Variants in MAP3K1 observed in about 807,000 individuals in gnomAD.
The protein encoded by MAP3K1 is MAP/ERK kinase kinase 1.
Under a neutral mutation model 144.2 loss-of-function variants are expected in MAP3K1, and 36 were observed. That is an observed-to-expected ratio of 0.25 (90% confidence interval 0.19 to 0.33). The LOEUF (loss-of-function observed/expected upper bound fraction) is 0.33, where lower values mean the gene tolerates loss of function less well. Ranked by LOEUF, MAP3K1 falls within the 10% of genes least tolerant of loss-of-function variation. The pLI is 1.00. For synonymous variants in MAP3K1, 718 were observed against 688.7 expected (o/e 1.04, Z -0.67); for missense variants, 1,650 against 1,881.9 (o/e 0.88, Z 2.28).
At chr5:56,820,258 A>G (rs252902) in intron 1 of MAP3K1, 136,892 of 176,670 alleles carry the variant, frequency 0.77, 53,408 homozygotes, top group Non-Finnish European at 0.82. Flanking sequence ...AGATGGTAAA[A>G]CCTCATGATT....
In MAP3K1 at chr5:56,870,798, C is replaced by G. The variant is rs954514333; in HGVS notation, c.1302-1112C>G. Among the ~76,000 whole-genome samples, 10 of 152,104 alleles carry G rather than the reference C, an allele frequency of 6.6e-5. No individual in the cohort carries two copies. In the South Asian group the frequency reaches 1.9e-3, roughly 28 times the overall value. On this transcript the variant is annotated intron_variant, in intron 6 of 19. Transcript: ENST00000399503. The stretch of plus-strand genomic sequence containing the variant: ...TGCCTTAATTAATGTACATTAAGTA[C>G]ATCTCCACTTTTTGGTTTACATACT...
Position 56,882,398 on chromosome 5 carries a change from C to G in MAP3K1, c.3198C>G (p.Thr1066=), listed in dbSNP as rs918712593. 2 of 1,613,940 alleles carry G rather than the reference C, an allele frequency of 1.2e-6. No homozygotes were observed. The highest frequency in any genetic ancestry group is 1.3e-5 in the African/African-American group (1 of 74,938). The change falls in exon 14 of 20, where the codon ACC becomes ACG. Residue 1066 remains threonine (T), a synonymous_variant. Transcript: ENST00000399503. ...ACAGGCCAAAGCCATCTAGACCTAC[C>G]CCAGGTAATACAAGTAAACAGGGAG... is the stretch of plus-strand genomic sequence containing the variant. The part of the protein sequence containing the change: ...NIHRPKPSRP[T]PGNTSKQGDP...
intron 1 of MAP3K1, among the ~76,000 whole-genome samples, chr5:56,840,701 A>C (rs1216257607): frequency 6.6e-6 from 1 of 152,160 alleles, no homozygotes; most frequent in African/African-American, 2.4e-5. Flanking sequence ...GTGTGGCTAC[A>C]GAGAGCTCTG....
intron 1 of MAP3K1, among the ~76,000 whole-genome samples, chr5:56,819,901 G>T (rs1215575978): frequency 6.6e-6 from 1 of 152,172 alleles, no homozygotes; most frequent in Non-Finnish European, 1.5e-5. Context: ...AAGATTAGGA[G>T]TAACCCAAAG....
intron 3 of MAP3K1, among the ~76,000 whole-genome samples, chr5:56,862,949 G>T (rs1370407287): frequency 2.0e-5 from 3 of 152,164 alleles, no homozygotes. Context: ...ACCCCAATAA[G>T]ATATCCTAGA....
rs775745251 is a variant in MAP3K1 at position 56,872,808 on chromosome 5, G to A, written c.1506-17G>A. On this transcript the variant is annotated splice_polypyrimidine_tract_variant and intron_variant, in intron 8 of 19. Coordinates refer to ENST00000399503, the MANE Select transcript of MAP3K1 (RefSeq NM_005921.2). ...TCTTAATTTTTTTAAAGCAAGTTTT[G>A]TTATTTTTCATTTTAGCCACGAGTT... is the stretch of plus-strand genomic sequence containing the variant. 1 of 1,613,710 alleles carries A rather than the reference G, an allele frequency of 6.2e-7. No homozygotes were observed. Among genetic ancestry groups the A allele is most frequent in the South Asian group, 1.1e-5 (1 of 91,080 alleles).
chr5:56,838,476 T>A (rs13354625), intron 1 of MAP3K1, among the ~76,000 whole-genome samples: 5,946 of 152,284 alleles, frequency 0.039, 406 homozygotes, highest in African/African-American at 0.14. Context: ...CAGGATCTCA[T>A]TGAAATGAGG....
At position 56,894,025 on chromosome 5, in the gene MAP3K1, C is replaced by G; in HGVS notation, c.*345C>G. ...TATTAGCGGCTGAGGGGCTCAGGAT[C>G]TATTTTAATATTTCAATTATTCTTC... On this transcript the variant is annotated 3_prime_UTR_variant, in exon 20 of 20. Coordinates refer to ENST00000399503, the MANE Select transcript of MAP3K1 (RefSeq NM_005921.2). 1 of 396,766 alleles carries G rather than the reference C, an allele frequency of 2.5e-6. No individual in the cohort carries two copies. The highest frequency in any genetic ancestry group is 3.0e-5 in the South Asian group (1 of 33,564). 24.6% of individuals were successfully genotyped at this position (396,766 alleles called of 1,614,324 possible). A position where few individuals can be genotyped will look rare whatever the true frequency, so the allele number is the denominator to read the frequency against.
In MAP3K1 at chr5:56,815,708, G is replaced by A; in HGVS notation, c.135G>A (p.Arg45=). The A allele has an allele frequency of 7.5e-7, 1 of 1,325,450 alleles. No homozygotes were observed. Among genetic ancestry groups the A allele is most frequent in the Non-Finnish European group, 9.6e-7 (1 of 1,039,394 alleles). The allele number at this position is 1,325,450 out of a possible 1,614,324, so 82.1% of individuals were successfully genotyped here. A position where few individuals can be genotyped will look rare whatever the true frequency, so the allele number is the denominator to read the frequency against. The change falls in exon 1 of 20, where the codon CGG becomes CGA. Residue 45 remains arginine (R), a synonymous_variant. Transcript: ENST00000399503. ...CCGCGGCTGCCGCGGGACTGCTGCG[G>A]GAGGCGGGCAGCGGGGGCCGCGAGC... ...SAPAAAAGLL[R]EAGSGGRERA... is the part of the protein sequence containing the mutation.
intron 1 of MAP3K1, chr5:56,820,618 C>T (rs1746126338): frequency 1.0e-6 from 1 of 984,968 alleles, no homozygotes; most frequent in Non-Finnish European, 1.2e-6. Context: ...TGTATTAAAT[C>T]ATAAGTGAAA....
At chr5:56,887,038 C>T (rs1470333253) in intron 17 of MAP3K1, among the ~76,000 whole-genome samples, 1 of 152,234 alleles carries the variant, frequency 6.6e-6, no homozygotes, top group Non-Finnish European at 1.5e-5. Flanking sequence ...GCTGAGATTA[C>T]AGGCGTCAGC....
chr5:56,860,715 TG>T (rs1279109520), intron 3 of MAP3K1, among the ~76,000 whole-genome samples: 1 of 151,966 alleles, frequency 6.6e-6, no homozygotes, highest in African/African-American at 2.4e-5. Flanking sequence ...TAGCCAGGCA[TG>T]GTGGCAGATG....
At chr5:56,858,838 A>T (rs1747414892) in intron 2 of MAP3K1, among the ~76,000 whole-genome samples, 1 of 152,084 alleles carries the variant, frequency 6.6e-6, no homozygotes, top group South Asian at 2.1e-4. Context: ...TCCTCATGTG[A>T]AGGTGTACTG....
At chr5:56,857,980 C>G (rs1747390391) in intron 2 of MAP3K1, among the ~76,000 whole-genome samples, 1 of 152,172 alleles carries the variant, frequency 6.6e-6, no homozygotes, top group Admixed American at 6.6e-5. Context: ...TAAGTTTCTA[C>G]ATTTCTTCCA....
At chr5:56,873,363 T>A (rs1167107543) in intron 9 of MAP3K1, among the ~76,000 whole-genome samples, 1 of 152,260 alleles carries the variant, frequency 6.6e-6, no homozygotes, top group Non-Finnish European at 1.5e-5. Context: ...TCATGTTTCT[T>A]ATTTGCTGCC....
At chr5:56,861,345 G>A (rs1424754155) in intron 3 of MAP3K1, among the ~76,000 whole-genome samples, 1 of 152,042 alleles carries the variant, frequency 6.6e-6, no homozygotes, top group Non-Finnish European at 1.5e-5. Context: ...GCCAAGGTGG[G>A]CGGATCACTG....
At chr5:56,874,071 G>A (rs1002955823) in intron 9 of MAP3K1, among the ~76,000 whole-genome samples, 7 of 152,078 alleles carry the variant, frequency 4.6e-5, no homozygotes, top group African/African-American at 1.7e-4. Flanking sequence ...TTTTTATTAA[G>A]CATGTTAGGT....
At chr5:56,885,060 T>G (rs1048107346) in intron 16 of MAP3K1, among the ~76,000 whole-genome samples, 2 of 152,206 alleles carry the variant, frequency 1.3e-5, no homozygotes, top group Non-Finnish European at 2.9e-5. Flanking sequence ...TTTAAATGAT[T>G]GTGTAGCATT....
At chr5:56,848,071 C>T (rs1234452868) in intron 1 of MAP3K1, among the ~76,000 whole-genome samples, 1 of 149,960 alleles carries the variant, frequency 6.7e-6, no homozygotes, top group Non-Finnish European at 1.5e-5. Flanking sequence ...TGGGCATGTA[C>T]TTTATAGACT....
Sources: allele counts gnomAD v4.1 joint callset (sites outside exome capture counted in the v4.1 genomes callset), GRCh38; gene constraint gnomAD v4.1.1; transcripts MANE v1.5; gene names NCBI Gene and HGNC (gene_info 2026-07-23, HGNC 2026-07-21).